The following C1QTNF7 variants were observed in gnomAD, a reference collection of about 807,000 sequenced individuals.
The protein encoded by C1QTNF7 is complement C1q tumor necrosis factor-related protein 7.
A neutral mutation model predicts 19.6 loss-of-function variants in C1QTNF7; 15 were observed. That is an observed-to-expected ratio of 0.76 (90% CI 0.51 to 1.18). C1QTNF7 has a LOEUF of 1.18. C1QTNF7 is among the 50% of genes most tolerant of loss of function. The probability of loss-of-function intolerance (pLI) is 0.00; values close to 1 mark genes in which losing one functional copy is unlikely to be tolerated. For synonymous variants in C1QTNF7, 142 were observed against 137.5 expected, an observed-to-expected ratio of 1.03 and a Z score of -0.23; for missense variants, 324 against 359.7, an observed-to-expected ratio of 0.90 and a Z score of 0.80.
chr4:15,400,673 T>G (rs962866474), intron 1 of C1QTNF7, among the ~76,000 whole-genome samples: 2 of 152,212 alleles, frequency 1.3e-5, no homozygotes, highest in African/African-American at 4.8e-5. Flanking sequence ...TAATGTTTGT[T>G]ATAGAAATTA....
Position 15,436,084 on chromosome 4 carries a change from C to A in C1QTNF7, c.238+103C>A, listed in dbSNP as rs868697484. ...CTAATGGGAATTGCTCCTTAAACCC[C>A]TTCTGTACTTTCATTAATCGTAACT... On this transcript the variant is annotated intron_variant, in intron 2 of 2. Coordinates refer to ENST00000444304, the MANE Select transcript of C1QTNF7 (RefSeq NM_031911.5). 27 of 1,458,254 alleles carry A rather than the reference C, an allele frequency of 1.9e-5. No individual in the cohort carries two copies. In the African/African-American group the frequency reaches 3.4e-4, roughly 18 times the overall value. The allele number at this position is 1,458,254 out of a possible 1,614,324, so 90.3% of individuals were successfully genotyped here. A position where few individuals can be genotyped will look rare whatever the true frequency, so the allele number is the denominator to read the frequency against.
chr4:15,442,574 A>G lies in C1QTNF7; in HGVS notation c.645A>G (p.Gln215=), dbSNP rs2108944118. ...CAATCGGACTGGTACACAATGGGCAATACCGGATAAAGACCTTCGACGCCA... is the reference window on the plus strand; with the variant it reads ...CAATCGGACTGGTACACAATGGGCAGTACCGGATAAAGACCTTCGACGCCA... The part of the protein sequence containing the change: ...HLAIGLVHNG[Q]YRIKTFDANT... The change falls in exon 3 of 3, where the codon CAA becomes CAG. Residue 215 remains glutamine, a synonymous_variant. Coordinates refer to ENST00000444304, the MANE Select transcript of C1QTNF7 (RefSeq NM_031911.5). The G allele has an allele frequency of 1.2e-6, 2 of 1,614,220 alleles. No homozygotes were observed. Among genetic ancestry groups the G allele is most frequent in the Non-Finnish European group, 1.7e-6 (2 of 1,180,040 alleles).
chr4:15,416,610 C>G (rs1719616150), intron 1 of C1QTNF7, among the ~76,000 whole-genome samples: 1 of 152,220 alleles, frequency 6.6e-6, no homozygotes, highest in Non-Finnish European at 1.5e-5. Flanking sequence ...CACCAGCTGT[C>G]TCCACGATAC....
At chr4:15,423,177 G>A (rs778453566), upstream of C1QTNF7, among the ~76,000 whole-genome samples, 13 of 152,146 alleles carry the variant, frequency 8.5e-5, no homozygotes, top group Non-Finnish European at 1.6e-4. Context: ...TAGGTTATTT[G>A]GGCAAGTCAC....
chr4:15,406,403 C>T (rs377654730), intron 1 of C1QTNF7, among the ~76,000 whole-genome samples: 2 of 152,192 alleles, frequency 1.3e-5, no homozygotes, highest in Admixed American at 6.5e-5. Flanking sequence ...CATAGTGCTA[C>T]GTATTAGAGA....
At chr4:15,377,544 T>C (rs1717984661) in intron 1 of C1QTNF7, among the ~76,000 whole-genome samples, 1 of 151,972 alleles carries the variant, frequency 6.6e-6, no homozygotes, top group Non-Finnish European at 1.5e-5. Context: ...CAACATAGAG[T>C]ATTTGCTGTG....
chr4:15,393,512 G>A (rs528423177), intron 1 of C1QTNF7, among the ~76,000 whole-genome samples: 145 of 152,256 alleles, frequency 9.5e-4, no homozygotes, highest in African/African-American at 3.4e-3. Context: ...ACATTAAAAC[G>A]CAGACTCTCG....
intron 1 of C1QTNF7, among the ~76,000 whole-genome samples, chr4:15,404,816 G>C (rs1263516902): frequency 6.6e-6 from 1 of 152,280 alleles, no homozygotes; most frequent in East Asian, 1.9e-4. Flanking sequence ...CAGCACAACA[G>C]AACTCATTCT....
chr4:15,362,621 A>G (rs1717383415), intron 1 of C1QTNF7: 1 of 152,202 alleles, frequency 6.6e-6, no homozygotes, highest in South Asian at 2.1e-4. Flanking sequence ...CTCTTCCCCC[A>G]TTAATGGCTG....
upstream of C1QTNF7, among the ~76,000 whole-genome samples, chr4:15,427,031 G>A (rs1221146480): frequency 1.3e-5 from 2 of 152,170 alleles, no homozygotes; most frequent in Non-Finnish European, 2.9e-5. Flanking sequence ...ACCATCCTAT[G>A]ATGGCATTAA....
chr4:15,351,967 A>G (rs1177806743), intron 1 of C1QTNF7, among the ~76,000 whole-genome samples: 1 of 152,192 alleles, frequency 6.6e-6, no homozygotes, highest in Non-Finnish European at 1.5e-5. Flanking sequence ...GAGTTAGCAA[A>G]GGCAGTATAA....
upstream of C1QTNF7, among the ~76,000 whole-genome samples, chr4:15,426,353 A>C (rs1304688182): frequency 6.6e-6 from 1 of 152,224 alleles, no homozygotes; most frequent in African/African-American, 2.4e-5. Context: ...GACAAGCTTT[A>C]TCAACATCTG....
intron 1 of C1QTNF7, among the ~76,000 whole-genome samples, chr4:15,410,629 A>AT (rs1480684182): frequency 6.6e-6 from 1 of 152,132 alleles, no homozygotes; most frequent in Non-Finnish European, 1.5e-5. Context: ...GTATGTGAAC[A>AT]TTTTTATTGA....
intron 1 of C1QTNF7, among the ~76,000 whole-genome samples, chr4:15,387,711 T>A (rs1718391140): frequency 6.6e-6 from 1 of 152,144 alleles, no homozygotes; most frequent in South Asian, 2.1e-4. Flanking sequence ...AACAGTGAAA[T>A]AAGGTAGTGT....
intron 1 of C1QTNF7, among the ~76,000 whole-genome samples, chr4:15,428,568 T>C (rs1712159305): frequency 1.3e-5 from 2 of 152,154 alleles, no homozygotes; most frequent in Non-Finnish European, 2.9e-5. Flanking sequence ...TAGATAGCCA[T>C]AACACAGTGC....
chr4:15,418,222 C>A (rs1711538707), intron 1 of C1QTNF7, among the ~76,000 whole-genome samples: 1 of 152,126 alleles, frequency 6.6e-6, no homozygotes, highest in Non-Finnish European at 1.5e-5. Context: ...TCCCAACTTG[C>A]TCCCACCTCC....
chr4:15,394,421 C>G (rs1191258532), intron 1 of C1QTNF7, among the ~76,000 whole-genome samples: 1 of 152,202 alleles, frequency 6.6e-6, no homozygotes, highest in Non-Finnish European at 1.5e-5. Context: ...AAGGTATTCA[C>G]CACATATTGT....
intron 1 of C1QTNF7, among the ~76,000 whole-genome samples, chr4:15,432,538 G>A (rs564469937): frequency 6.6e-6 from 1 of 152,240 alleles, no homozygotes; most frequent in Admixed American, 6.5e-5. Context: ...TGGAATTACA[G>A]GTGCACGCCA....
intron 1 of C1QTNF7, among the ~76,000 whole-genome samples, chr4:15,429,806 A>G (rs1333138114): frequency 6.6e-6 from 1 of 152,192 alleles, no homozygotes; most frequent in African/African-American, 2.4e-5. Context: ...TGGAATTGCC[A>G]TATCATATGG....
Sources: gnomAD v4.1 joint callset for allele counts (sites outside exome capture counted in the v4.1 genomes callset) on GRCh38, gnomAD v4.1.1 for gene constraint, MANE v1.5 for transcripts, NCBI Gene and HGNC (gene_info 2026-07-23, HGNC 2026-07-21) for gene names.